Variants in COL4A5 observed in about 807,000 individuals in gnomAD.
COL4A5 encodes collagen type IV alpha 5 chain, also known as collagen alpha-5(IV) chain.
A neutral mutation model predicts 130.2 loss-of-function variants in COL4A5; 26 were observed. The ratio of observed to expected loss-of-function variants is 0.20; its 90% CI spans 0.15 to 0.28. The LOEUF (loss-of-function observed/expected upper bound fraction) is 0.28. COL4A5 is among the 10% of genes least tolerant of loss of function. The pLI is 1.00. For missense variants in COL4A5, 1,131 were observed against 1,344.3 expected, an observed-to-expected ratio of 0.84 and a Z score of 2.48; for synonymous variants, 496 against 439.6, an observed-to-expected ratio of 1.13 and a Z score of -1.60.
At chrX:108,596,461 G>A (rs1295624035) in intron 22 of COL4A5, among the ~76,000 whole-genome samples, 2 of 111,860 alleles carry the variant, frequency 1.8e-5, no homozygotes, top group Admixed American at 1.9e-4. Context: ...TAGCCAGGTG[G>A]TGATGATGCC....
chrX:108,628,519 A>C (rs2067193883), intron 36 of COL4A5, among the ~76,000 whole-genome samples: 1 of 111,449 alleles, frequency 9.0e-6, no homozygotes, highest in Non-Finnish European at 1.9e-5. Flanking sequence ...CCTGATTACA[A>C]GTGGGGTTTC....
rs768320352 is a variant in COL4A5 at position 108,694,857 on chromosome X, C to G, written c.4757C>G (p.Thr1586Arg). The part of the protein sequence containing the change: ...PAVVIAVHSQ[T>R]IQIPHCPQGW... Reference sequence around the variant, plus strand: ...GTGGTGATCGCAGTTCACAGTCAGACGATCCAGATTCCCCATTGTCCTCAG... The same window carrying G: ...GTGGTGATCGCAGTTCACAGTCAGAGGATCCAGATTCCCCATTGTCCTCAG... Residue 1586 changes from threonine (T) to arginine (R), a missense_variant, in exon 51 of 53, where the codon ACG becomes AGG. By Grantham distance (71) the Thr-to-Arg change is moderately conservative (BLOSUM62 -1). Transcript: ENST00000328300. The G allele has an allele frequency of 6.6e-6, 8 of 1,210,485 alleles. No homozygotes were observed. The highest frequency in any genetic ancestry group is 8.9e-6 in the Non-Finnish European group (8 of 894,562).
At chrX:108,689,307 T>A (rs1023938764) in intron 49 of COL4A5, 3 of 746,024 alleles carry the variant, frequency 4.0e-6, no homozygotes, top group Non-Finnish European at 4.7e-6. Flanking sequence ...TCATTCTCTC[T>A]ACACTGTCAG....
chrX:108,674,532 C>T (rs997482983), intron 42 of COL4A5: 1 of 340,112 alleles, frequency 2.9e-6, no homozygotes, highest in Non-Finnish European at 5.1e-6. Context: ...AGAATAAGCT[C>T]TATTTGAAAA....
At chrX:108,498,558 A>G (rs1456585700) in intron 1 of COL4A5, among the ~76,000 whole-genome samples, 1 of 111,664 alleles carries the variant, frequency 9.0e-6, no homozygotes, top group Non-Finnish European at 1.9e-5. Flanking sequence ...TGGGTGTTGT[A>G]GTGAATCTAT....
chrX:108,619,982 A>ATTT (rs1176214011), intron 30 of COL4A5, among the ~76,000 whole-genome samples: 1 of 112,362 alleles, frequency 8.9e-6, no homozygotes, highest in Admixed American at 9.4e-5. Context: ...TTTTCATTGT[A>ATTT]TTTTATAAAA....
rs1002179205 is a variant in COL4A5 at position 108,696,700 on chromosome X, A to C, written c.*322A>C. On this transcript the variant is annotated 3_prime_UTR_variant, in exon 53 of 53. Coordinates refer to ENST00000328300, the MANE Select transcript of COL4A5 (RefSeq NM_033380.3). ...TACTAAAATGGTACATTAAAAATTC[A>C]ATTAAGAGAAGAGTCACATTGAGTA... The C allele has an allele frequency of 2.0e-5, 3 of 150,155 alleles. No homozygotes were observed. The highest frequency in any genetic ancestry group is 9.4e-5 in the African/African-American group (3 of 31,914). The allele number at this position is 150,155 out of a possible 1,213,427, so 12.4% of individuals were successfully genotyped here. A position where few individuals can be genotyped will look rare whatever the true frequency, so the allele number is the denominator to read the frequency against.
chrX:108,635,871 C>A (rs2147893427), intron 36 of COL4A5, among the ~76,000 whole-genome samples: 1 of 112,434 alleles, frequency 8.9e-6, no homozygotes, highest in Non-Finnish European at 1.9e-5. Flanking sequence ...CAAATTAATG[C>A]AGAAGCAGAA....
At chrX:108,669,754 T>C (rs1305860793) in intron 41 of COL4A5, among the ~76,000 whole-genome samples, 2 of 112,116 alleles carry the variant, frequency 1.8e-5, no homozygotes, top group African/African-American at 6.5e-5. Context: ...TGAACCTTAC[T>C]TTGAAATTTG....
In COL4A5 at chrX:108,692,804, A is replaced by C. The variant is rs779764263; in HGVS notation, c.4585A>C (p.Ile1529Leu). The change falls in exon 50 of 53, where the codon ATC (isoleucine) becomes CTC (leucine). Residue 1529 changes from isoleucine (I) to leucine (L), a missense_variant. Coordinates refer to ENST00000328300, the MANE Select transcript of COL4A5 (RefSeq NM_033380.3). ...FSTMPFMFCN[I>L]NNVCNFASRN... ...TACCATGCCTTTCATGTTCTGCAACATCAATAATGTTTGCAACTTTGCTTC... is the reference window on the plus strand; with the variant it reads ...TACCATGCCTTTCATGTTCTGCAACCTCAATAATGTTTGCAACTTTGCTTC... 8.3e-7 allele frequency: 1 copy of C among 1,210,918 alleles called. No individual in the cohort carries two copies. Among genetic ancestry groups the C allele is most frequent in the Admixed American group, 2.2e-5 (1 of 45,963 alleles).
intron 51 of COL4A5, 50 bp from the exon 52 acceptor site, chrX:108,695,217 G>A: frequency 8.4e-7 from 1 of 1,193,229 alleles, no homozygotes; most frequent in South Asian, 1.8e-5. Flanking sequence ...TATTCACTAA[G>A]CTATTATGGC....
At chrX:108,607,644 C>T (rs751726137) in intron 29 of COL4A5, among the ~76,000 whole-genome samples, 26 of 108,550 alleles carry the variant, frequency 2.4e-4, no homozygotes, top group African/African-American at 8.4e-4. Flanking sequence ...CCACCAGGCC[C>T]AGCTAATTTT....
chrX:108,668,579 C>A, intron 41 of COL4A5, 75 bp downstream of exon 41: 4 of 835,152 alleles, frequency 4.8e-6, no homozygotes, highest in Non-Finnish European at 6.4e-6. Context: ...GTTATTCAGT[C>A]TTTAAGACTT....
Position 108,670,234 on chromosome X carries a change from C to T in COL4A5, c.3797C>T (p.Thr1266Ile). ...PQGPPGRPGP[T>I]GFQGLPGPEG... Reference sequence around the variant, plus strand: ...AACTTTGATCCCTATCCAGGTCCTACAGGTTAGCTCCTTAACTCCAAAGTA... The same window carrying T: ...AACTTTGATCCCTATCCAGGTCCTATAGGTTAGCTCCTTAACTCCAAAGTA... The change falls in exon 42 of 53, where the codon ACA becomes ATA. Residue 1266 changes from threonine to isoleucine, a missense_variant and splice_region_variant. Transcript: ENST00000328300. The T allele has an allele frequency of 8.3e-7, 1 of 1,210,503 alleles. No individual in the cohort carries two copies. The highest frequency in any genetic ancestry group is 1.1e-6 in the Non-Finnish European group (1 of 894,584).
intron 37 of COL4A5, among the ~76,000 whole-genome samples, chrX:108,662,252 A>G (rs532782974): frequency 9.1e-6 from 1 of 109,968 alleles, no homozygotes; most frequent in South Asian, 4.0e-4. Context: ...CATGGATGAA[A>G]CTGGAAACCA....
At chrX:108,513,229 C>T (rs776225044) in intron 1 of COL4A5, among the ~76,000 whole-genome samples, 2 of 110,397 alleles carry the variant, frequency 1.8e-5, no homozygotes, top group African/African-American at 3.3e-5. Flanking sequence ...ACCCAGGAGG[C>T]GGAGCTTGCA....
In COL4A5 at chrX:108,637,100, G is replaced by A. The variant is rs926446757; in HGVS notation, c.3246+10751G>A. Among the ~76,000 whole-genome samples, 3 of 109,052 alleles carry A rather than the reference G, an allele frequency of 2.8e-5. No individual in the cohort carries two copies. The Admixed American group carries it at 3.0e-4, about 11-fold the overall frequency. 94.7% of individuals were successfully genotyped at this position (109,052 alleles called of 115,157 possible). ...TGGGATTACAGATACGCACCACCAT[G>A]CTTAGCTAATTTTTTGTAGAGATGG... is the stretch of plus-strand genomic sequence containing the variant. On this transcript the variant is annotated intron_variant, in intron 36 of 52. Coordinates refer to ENST00000328300, the MANE Select transcript of COL4A5 (RefSeq NM_033380.3).
At chrX:108,492,117 C>T (rs1039621284) in intron 1 of COL4A5, among the ~76,000 whole-genome samples, 7 of 111,573 alleles carry the variant, frequency 6.3e-5, no homozygotes, top group Admixed American at 2.9e-4. Context: ...GACCTGAGAA[C>T]GCCCTAAGCT....
Position 108,687,582 on chromosome X carries a change from C to A in COL4A5, c.4416C>A (p.Arg1472=). The change falls in exon 49 of 53, where the codon CGC becomes CGA. Residue 1472 remains arginine (R), a synonymous_variant. Coordinates refer to ENST00000328300, the MANE Select transcript of COL4A5 (RefSeq NM_033380.3). ...TTGCACATGGATTTCTTATTACACG[C>A]CACAGCCAGACAACGGATGCACCAC... is the stretch of plus-strand genomic sequence containing the variant. ...SSVAHGFLIT[R]HSQTTDAPQC... The A allele has an allele frequency of 8.3e-7, 1 of 1,211,485 alleles. No homozygotes were observed. Among genetic ancestry groups the A allele is most frequent in the Non-Finnish European group, 1.1e-6 (1 of 895,257 alleles).
Sources: allele counts gnomAD v4.1 joint callset (sites outside exome capture counted in the v4.1 genomes callset), GRCh38; gene constraint gnomAD v4.1.1; transcripts MANE v1.5; gene names NCBI Gene and HGNC (gene_info 2026-07-23, HGNC 2026-07-21).